The following ARHGAP22 variants were observed in gnomAD, a reference collection of about 807,000 sequenced individuals.
ARHGAP22 encodes rho GTPase-activating protein 22.
In ARHGAP22, 48 loss-of-function variants were observed where a neutral mutation model predicts 59.1. The ratio of observed to expected loss-of-function variants is 0.81; its 90% CI spans 0.64 to 1.03. ARHGAP22 has a LOEUF of 1.03. Among genes scored for constraint, ARHGAP22 ranks in the 50% least tolerant of loss-of-function variants. ARHGAP22 has a pLI of 0.00. For synonymous variants in ARHGAP22, 445 were observed against 416.4 expected, an observed-to-expected ratio of 1.07 and a Z score of -0.84; for missense variants, 1,015 against 958.7, an observed-to-expected ratio of 1.06 and a Z score of -0.78.
chr10:48,641,254 A>T (rs2062033362), intron 1 of ARHGAP22, among the ~76,000 whole-genome samples: 1 of 152,212 alleles, frequency 6.6e-6, no homozygotes, highest in Admixed American at 6.5e-5. Context: ...ATCAATAATT[A>T]TATTAAATGT....
chr10:48,455,174 G>A (rs374258287), intron 5 of ARHGAP22, 40 bp from the exon 6 acceptor site: 7 of 1,569,096 alleles, frequency 4.5e-6, no homozygotes, highest in Non-Finnish European at 6.1e-6. Context: ...GGCCTGGGAT[G>A]CCAGGGGACT....
intron 1 of ARHGAP22, among the ~76,000 whole-genome samples, chr10:48,603,725 C>A (rs777566136): frequency 1.3e-5 from 2 of 152,202 alleles, no homozygotes; most frequent in Non-Finnish European, 2.9e-5. Flanking sequence ...TCAGCCCATG[C>A]GAAAGCACCC....
intron 1 of ARHGAP22, among the ~76,000 whole-genome samples, chr10:48,596,753 G>C (rs1384390372): frequency 6.6e-6 from 1 of 152,176 alleles, no homozygotes; most frequent in Non-Finnish European, 1.5e-5. Flanking sequence ...CTCTCTCGTG[G>C]CTCCTTGGAA....
intron 3 of ARHGAP22, among the ~76,000 whole-genome samples, chr10:48,523,410 G>A (rs577603959): frequency 6.6e-6 from 1 of 152,252 alleles, no homozygotes; most frequent in African/African-American, 2.4e-5. Flanking sequence ...TAAGTCGGCC[G>A]GGCCCCAGCC....
At chr10:48,640,967 G>A (rs995911885) in intron 1 of ARHGAP22, among the ~76,000 whole-genome samples, 18 of 152,088 alleles carry the variant, frequency 1.2e-4, no homozygotes, top group Non-Finnish European at 2.5e-4. Context: ...AACAATAGTA[G>A]CACAAAGGAA....
At chr10:48,597,473 C>T (rs900885871) in intron 1 of ARHGAP22, among the ~76,000 whole-genome samples, 13 of 152,020 alleles carry the variant, frequency 8.6e-5, no homozygotes, top group Admixed American at 3.3e-4. Flanking sequence ...TTCTGAGTCC[C>T]GAGGCCCTTT....
At chr10:48,513,529 C>G (rs1028207642) in intron 3 of ARHGAP22, among the ~76,000 whole-genome samples, 4 of 152,214 alleles carry the variant, frequency 2.6e-5, no homozygotes, top group Non-Finnish European at 1.5e-5. Flanking sequence ...TGCTTCAAGA[C>G]ACTTAAGTAT....
chr10:48,590,706 G>A (rs926880450), intron 1 of ARHGAP22, among the ~76,000 whole-genome samples: 3 of 152,330 alleles, frequency 2.0e-5, no homozygotes, highest in South Asian at 4.1e-4. Context: ...TGGGCTGCAC[G>A]CCTTCCCAGT....
chr10:48,596,045 A>G (rs546076519), intron 1 of ARHGAP22, among the ~76,000 whole-genome samples: 7 of 152,266 alleles, frequency 4.6e-5, no homozygotes, highest in South Asian at 2.1e-4. Flanking sequence ...TTCATAGTGA[A>G]TACTTTAATG....
chr10:48,605,134 G>A (rs970537012), upstream of ARHGAP22: 69 of 1,206,482 alleles, frequency 5.7e-5, no homozygotes, highest in Non-Finnish European at 6.8e-5. Flanking sequence ...TCCAAGCTGA[G>A]CGCGGGGGCG....
chr10:48,559,315 C>T (rs913650435), intron 2 of ARHGAP22, among the ~76,000 whole-genome samples: 14 of 152,198 alleles, frequency 9.2e-5, no homozygotes, highest in African/African-American at 2.9e-4. Flanking sequence ...CCCCCTTCCC[C>T]ATGTGTCCGA....
rs2052105001 is a variant in ARHGAP22 at position 48,506,102 on chromosome 10, C to T, written c.323-26338G>A. Among the ~76,000 whole-genome samples, 5 of 152,228 alleles carry T rather than the reference C, an allele frequency of 3.3e-5. No individual in the cohort carries two copies. In the South Asian group the frequency reaches 1.0e-3, roughly 31 times the overall value. On this transcript the variant is annotated intron_variant, in intron 3 of 9. Transcript: ENST00000249601. The stretch of plus-strand genomic sequence containing the variant: ...GGCAGCAGTGGGCCCTCCTCGGCAG[C>T]TGGGTGGGACCTCAGGGCCTCAGCA...
intron 1 of ARHGAP22, among the ~76,000 whole-genome samples, chr10:48,600,522 A>C (rs1168937222): frequency 1.3e-5 from 2 of 151,036 alleles, no homozygotes; most frequent in African/African-American, 4.9e-5. Flanking sequence ...AATTTTAGAA[A>C]TAAACAATGA....
intron 3 of ARHGAP22, among the ~76,000 whole-genome samples, chr10:48,507,008 G>A (rs898854446): frequency 2.6e-5 from 4 of 152,100 alleles, no homozygotes; most frequent in African/African-American, 7.2e-5. Flanking sequence ...GGCCTCCCAC[G>A]CCCCCCACCA....
intron 5 of ARHGAP22, among the ~76,000 whole-genome samples, chr10:48,459,099 G>A (rs1280946736): frequency 2.0e-5 from 3 of 152,196 alleles, no homozygotes; most frequent in African/African-American, 4.8e-5. Flanking sequence ...GCACTGTCAG[G>A]GGAAACAGAA....
intron 1 of ARHGAP22, among the ~76,000 whole-genome samples, chr10:48,627,804 G>A (rs2061501887): frequency 6.6e-6 from 1 of 152,254 alleles, no homozygotes; most frequent in South Asian, 2.1e-4. Context: ...GGCCTCTGGT[G>A]TGGCTGGCTG....
chr10:48,480,546 C>T (rs1227258526), intron 3 of ARHGAP22, among the ~76,000 whole-genome samples: 1 of 152,196 alleles, frequency 6.6e-6, no homozygotes, highest in Admixed American at 6.5e-5. Flanking sequence ...GTGTGAGATC[C>T]ACAGACCTGT....
chr10:48,522,083 G>C (rs2053856468), intron 3 of ARHGAP22, among the ~76,000 whole-genome samples: 1 of 152,216 alleles, frequency 6.6e-6, no homozygotes, highest in South Asian at 2.1e-4. Context: ...TTAAACCCTT[G>C]GAGACTTTGT....
the ARHGAP22 span, chr10:48,431,150 T>C: frequency 4.7e-6 from 6 of 1,288,784 alleles, no homozygotes; most frequent in Non-Finnish European, 4.5e-6. Context: ...TGAGATTGGC[T>C]CTTAGACTTT....
Sources: gnomAD v4.1 joint callset for allele counts (sites outside exome capture counted in the v4.1 genomes callset) on GRCh38, gnomAD v4.1.1 for gene constraint, MANE v1.5 for transcripts, NCBI Gene and HGNC (gene_info 2026-07-23, HGNC 2026-07-21) for gene names.